Variants in CFTR observed in about 807,000 individuals in gnomAD.
CFTR encodes CF transmembrane conductance regulator.
CFTR carries 181 observed loss-of-function variants against 171.6 expected under a neutral mutation model. That is an observed-to-expected ratio of 1.05 (90% CI 0.93 to 1.19). The LOEUF (loss-of-function observed/expected upper bound fraction) is 1.19. CFTR is among the 50% of genes most tolerant of loss of function. CFTR has a pLI of 0.00. For synonymous variants in CFTR, 583 were observed against 608.0 expected (o/e 0.96, Z 0.60); for missense variants, 1,968 against 1,734.7 (o/e 1.13, Z -2.39).
At chr7:117,492,824 A>G (rs552181512) in intron 1 of CFTR, among the ~76,000 whole-genome samples, 2 of 152,142 alleles carry the variant, frequency 1.3e-5, no homozygotes, top group Non-Finnish European at 2.9e-5. Context: ...TCTAGACTTC[A>G]GAGAGGCTCA....
chr7:117,485,255 T>C (rs915330463), intron 1 of CFTR, among the ~76,000 whole-genome samples: 4 of 152,184 alleles, frequency 2.6e-5, no homozygotes, highest in African/African-American at 9.6e-5. Flanking sequence ...CATGCAGTTA[T>C]GTGTTGGTTG....
intron 24 of CFTR, 121 bp downstream of exon 24, chr7:117,653,052 G>A (rs1345415350): frequency 4.0e-6 from 3 of 741,578 alleles, no homozygotes; most frequent in Non-Finnish European, 7.4e-6. Flanking sequence ...ACTTTAAAAT[G>A]GAGTACCCTA....
chr7:117,615,965 T>G (rs1443433649), intron 21 of CFTR, among the ~76,000 whole-genome samples: 1 of 152,046 alleles, frequency 6.6e-6, no homozygotes, highest in Non-Finnish European at 1.5e-5. Context: ...TTTTTAAAAT[T>G]ATACTTTTTG....
Position 117,536,669 on chromosome 7 carries a change from A to G in CFTR, c.865A>G (p.Arg289Gly). 6.2e-7 allele frequency: 1 copy of G among 1,610,222 alleles called. No individual in the cohort carries two copies. Among genetic ancestry groups the G allele is most frequent in the Non-Finnish European group, 8.5e-7 (1 of 1,178,092 alleles). The change falls in exon 7 of 27, where the codon AGA becomes GGA. Residue 289 changes from arginine (R) to glycine (G), a missense_variant. Transcript: ENST00000003084. The part of the protein sequence containing the change: ...EAMEKMIENL[R>G]QTELKLTRKA... ...AATGGAAAAAATGATTGAAAACTTA[A>G]GACAGTAAGTTGTTCCAATAATTTC...
At chr7:117,587,707 G>T in intron 11 of CFTR, 32 bp from the exon 12 acceptor site, 1 of 1,247,378 alleles carries the variant, frequency 8.0e-7, no homozygotes, top group Non-Finnish European at 1.2e-6. Flanking sequence ...CATACTAAAA[G>T]TGACTCTCTA....
Position 117,480,137 on chromosome 7 carries a change from CT to C in CFTR, c.50del (p.Phe17SerfsTer8), listed in dbSNP as rs397508714. 1 of 1,613,820 alleles carries C rather than the reference CT, an allele frequency of 6.2e-7. No homozygotes were observed. Among genetic ancestry groups the C allele is most frequent in the Non-Finnish European group, 8.5e-7 (1 of 1,179,834 alleles). ...GGAAAAGGCCAGCGTTGTCTCCAAA[CT>C]TTTTTTCAGGTGAGAAGGTGGCCAA... ...PLEKASVVSK[L>X]FFSWTRPILR... On this transcript the variant is annotated frameshift_variant, in exon 1 of 27. Transcript: ENST00000003084. LOFTEE classifies it high-confidence loss of function.
At chr7:117,517,710 C>T (rs1798616292) in intron 3 of CFTR, among the ~76,000 whole-genome samples, 3 of 152,304 alleles carry the variant, frequency 2.0e-5, no homozygotes, top group Admixed American at 2.0e-4. Context: ...ACATCCGCTC[C>T]AGCATCTGTT....
intron 3 of CFTR, among the ~76,000 whole-genome samples, chr7:117,510,927 G>C (rs1000037328): frequency 2.0e-5 from 3 of 152,018 alleles, no homozygotes; most frequent in Admixed American, 2.0e-4. Flanking sequence ...GAAGTTGAGC[G>C]TGAGGCAAAT....
At chr7:117,600,310 C>G (rs1271075631) in intron 15 of CFTR, among the ~76,000 whole-genome samples, 1 of 151,848 alleles carries the variant, frequency 6.6e-6, no homozygotes, top group Non-Finnish European at 1.5e-5. Context: ...TTCTTAGAAC[C>G]CCTGCTTGGC....
chr7:117,492,424 T>C (rs1296545492), intron 1 of CFTR, among the ~76,000 whole-genome samples: 3 of 151,976 alleles, frequency 2.0e-5, no homozygotes, highest in Non-Finnish European at 2.9e-5. Context: ...ATCAGTGTCA[T>C]CATGTGGGCT....
chr7:117,501,768 AAAAGAAAC>A (rs1798332404), intron 1 of CFTR, among the ~76,000 whole-genome samples: 5 of 148,744 alleles, frequency 3.4e-5, no homozygotes, highest in Admixed American at 6.7e-5. Context: ...AAAAAAAAAA[AAAAGAAAC>A]AAAAAAAAAA....
intron 1 of CFTR, chr7:117,487,729 C>A (rs1798096611): frequency 6.6e-6 from 1 of 152,074 alleles, no homozygotes; most frequent in Admixed American, 6.6e-5. Flanking sequence ...ACATCTACTC[C>A]CAAATGCCTA....
At chr7:117,606,464 G>T (rs1292881825) in intron 17 of CFTR, among the ~76,000 whole-genome samples, 1 of 152,002 alleles carries the variant, frequency 6.6e-6, no homozygotes, top group Non-Finnish European at 1.5e-5. Context: ...CTTTTAAAAA[G>T]GTTTAAAAGT....
intron 20 of CFTR, 61 bp downstream of exon 20, chr7:117,611,869 T>G: frequency 8.9e-7 from 1 of 1,127,596 alleles, no homozygotes; most frequent in South Asian, 1.3e-5. Context: ...ATGAATAAAA[T>G]GCTGCATTCT....
intron 11 of CFTR, among the ~76,000 whole-genome samples, chr7:117,568,852 T>C (rs1053298861): frequency 2.0e-5 from 3 of 152,202 alleles, no homozygotes; most frequent in African/African-American, 7.2e-5. Context: ...CAGGACTTAT[T>C]CATCCTGCCT....
chr7:117,530,197 G>A (rs979444331), intron 3 of CFTR, among the ~76,000 whole-genome samples: 3 of 152,084 alleles, frequency 2.0e-5, no homozygotes, highest in Admixed American at 6.6e-5. Flanking sequence ...TCTGGCCTGA[G>A]GTTGAGGCTG....
intron 11 of CFTR, among the ~76,000 whole-genome samples, chr7:117,576,162 G>C (rs1791766295): frequency 6.6e-6 from 1 of 151,942 alleles, no homozygotes; most frequent in Admixed American, 6.6e-5. Context: ...TTCCCCTATT[G>C]TCATTCTGAC....
At chr7:117,620,468 G>A (rs1252151968) in intron 21 of CFTR, among the ~76,000 whole-genome samples, 1 of 152,130 alleles carries the variant, frequency 6.6e-6, no homozygotes, top group Admixed American at 6.6e-5. Context: ...TCACATTTCT[G>A]CTACTGTCCC....
intron 9 of CFTR, among the ~76,000 whole-genome samples, chr7:117,545,813 C>T (rs1010244647): frequency 6.6e-6 from 1 of 151,308 alleles, no homozygotes; most frequent in African/African-American, 2.4e-5. Flanking sequence ...TTTTTTTAAT[C>T]ACATATATGA....
Sources: allele counts gnomAD v4.1 joint callset (sites outside exome capture counted in the v4.1 genomes callset), GRCh38; gene constraint gnomAD v4.1.1; transcripts MANE v1.5; gene names NCBI Gene and HGNC (gene_info 2026-07-23, HGNC 2026-07-21).